Variants in EPHB4 observed in about 807,000 individuals in gnomAD.
EPHB4 encodes the protein ephrin type-B receptor 4.
In EPHB4, 50 loss-of-function variants were observed where a neutral mutation model predicts 110.6. The ratio of observed to expected loss-of-function variants is 0.45; its 90% CI spans 0.36 to 0.57. The LOEUF (loss-of-function observed/expected upper bound fraction) is 0.57, where lower values mean the gene tolerates loss of function less well. Among genes scored for constraint, EPHB4 ranks in the 20% least tolerant of loss-of-function variants. EPHB4 has a pLI of 0.00. For missense variants in EPHB4, 1,128 were observed against 1,382.1 expected (o/e 0.82, Z 2.91); for synonymous variants, 592 against 578.4 (o/e 1.02, Z -0.34).
Position 100,803,492 on chromosome 7 carries a change from C to T in EPHB4, c.2933G>A (p.Gly978Asp), listed in dbSNP as rs1306261996. 1.3e-6 allele frequency: 2 copies of T among 1,583,160 alleles called. No individual in the cohort carries two copies. The highest frequency in any genetic ancestry group is 1.3e-5 in the African/African-American group (1 of 74,646). ...CTGCGGGGCCGGTCCTCCTGTCCCA[C>T]CCGGGGTTCCCGGCTTGGCCTGGGA... Reference protein sequence around the residue: ...MKSQAKPGTPGGTGGPAPQY With the variant: ...MKSQAKPGTPDGTGGPAPQY The change falls in exon 17 of 17, where the codon GGT (glycine) becomes GAT (aspartate). Residue 978 changes from glycine (G) to aspartate (D), a missense_variant. By Grantham distance (94) the Gly-to-Asp change is moderately conservative (BLOSUM62 -1). Coordinates refer to ENST00000358173, the MANE Select transcript of EPHB4 (RefSeq NM_004444.5).
chr7:100,824,410 C>G, intron 1 of EPHB4, 137 bp from the exon 2 acceptor site: 1 of 863,942 alleles, frequency 1.2e-6, no homozygotes, highest in Non-Finnish European at 1.8e-6. Flanking sequence ...GGGGAGCAAG[C>G]CCTGCCCTCT....
rs780811289 is a variant in EPHB4 at position 100,820,189 on chromosome 7, C to G, written c.916G>C (p.Val306Leu). The G allele has an allele frequency of 1.2e-6, 2 of 1,614,068 alleles. No individual in the cohort carries two copies. Among genetic ancestry groups the G allele is most frequent in the African/African-American group, 2.7e-5 (2 of 75,050 alleles). ...TIGSAVCQCR[V>L]GYFRARTDPR... ...TCTGTGCGTGCCCGGAAGTACCCGA[C>G]GCGGCACTGGCAGACGGCTGATCCA... Residue 306 changes from valine (V) to leucine (L), a missense_variant, in exon 5 of 17, where the codon GTC (valine) becomes CTC (leucine). Val to Leu is a conservative substitution (Grantham distance 32). Transcript: ENST00000358173.
rs536968407 is a variant in EPHB4 at position 100,815,009 on chromosome 7, CGT to C, written c.1589-990_1589-989del. 1.1e-3 allele frequency among the ~76,000 whole-genome samples: 163 copies of C among 150,612 alleles called. 1 individual carries two copies. Among genetic ancestry groups the C allele is most frequent in the African/African-American group, 3.2e-3 (132 of 40,986 alleles). ...TCCAGCCTGGGTGACAAAGCAAAAT[CGT>C]GTGTTCAAAACAAAAACAAAAAACA... On this transcript the variant is annotated intron_variant, in intron 8 of 16. Coordinates refer to ENST00000358173, the MANE Select transcript of EPHB4 (RefSeq NM_004444.5).
At chr7:100,824,696 C>G in intron 1 of EPHB4, 1 of 190,400 alleles carries the variant, frequency 5.3e-6, no homozygotes, top group Non-Finnish European at 1.1e-5. Context: ...ATCAGCCTCT[C>G]TACCCCACAA....
At chr7:100,813,825 G>A in intron 9 of EPHB4, 94 bp downstream of exon 9, 1 of 1,602,682 alleles carries the variant, frequency 6.2e-7, no homozygotes, top group Non-Finnish European at 8.5e-7. Flanking sequence ...GTAAAAAGAG[G>A]CTGGGGACAG....
rs371147602 is a variant in EPHB4, at chr7:100,803,416, G to C, written c.*45C>G. ...CCTCTGTGAGTCCCCACTCTGCCCC[G>C]GAAAATGGGGAGGCGGTGTCCCTGG... On this transcript the variant is annotated 3_prime_UTR_variant, in exon 17 of 17. Transcript: ENST00000358173. The C allele has an allele frequency of 6.7e-7, 1 of 1,482,226 alleles. No individual in the cohort carries two copies. Among genetic ancestry groups the C allele is most frequent in the African/African-American group, 1.4e-5 (1 of 72,974 alleles). The allele number at this position is 1,482,226 out of a possible 1,614,324, so 91.8% of individuals were successfully genotyped here.
At position 100,806,525 on chromosome 7, in the gene EPHB4, G is replaced by A. The variant is rs1812821175; in HGVS notation, c.2379C>T (p.Ala793=). 1 of 1,614,132 alleles carries A rather than the reference G, an allele frequency of 6.2e-7. No individual in the cohort carries two copies. Residue 793 remains alanine, a synonymous_variant, in exon 14 of 17, where the codon GCC becomes GCT. Coordinates refer to ENST00000358173, the MANE Select transcript of EPHB4 (RefSeq NM_004444.5). ...PIRWTAPEAI[A]FRKFTSASDA... ...CACTGGCGGAAGTGAACTTCCGGAA[G>A]GCAATGGCCTCCGGGGCAGTCCATC...
chr7:100,817,641 G>A (rs1813109904), intron 7 of EPHB4, among the ~76,000 whole-genome samples: 1 of 152,024 alleles, frequency 6.6e-6, no homozygotes, highest in African/African-American at 2.4e-5. Context: ...TGATTCTCCT[G>A]TCTCAGCCTC....
chr7:100,814,513 T>A (rs1043018802), intron 8 of EPHB4, among the ~76,000 whole-genome samples: 1 of 152,166 alleles, frequency 6.6e-6, no homozygotes. Flanking sequence ...AGCCTAGGCA[T>A]GCCCAGCCGC....
intron 12 of EPHB4, among the ~76,000 whole-genome samples, chr7:100,812,262 C>G (rs1181913331): frequency 6.6e-6 from 1 of 151,734 alleles, no homozygotes; most frequent in East Asian, 1.9e-4. Context: ...AAGGAAGGTC[C>G]CAGGAGCCCA....
intron 8 of EPHB4, among the ~76,000 whole-genome samples, chr7:100,816,065 G>T (rs991807731): frequency 2.0e-5 from 3 of 151,424 alleles, no homozygotes; most frequent in Admixed American, 6.6e-5. Flanking sequence ...GAGGCGGGTG[G>T]ATCAGGAGGT....
intron 1 of EPHB4, 68 bp from the exon 2 acceptor site, chr7:100,824,341 T>C: frequency 6.5e-7 from 1 of 1,549,522 alleles, no homozygotes; most frequent in East Asian, 2.2e-5. Context: ...ACCAGATCCC[T>C]GGGAACCGAG....
rs1813258030 is a variant in EPHB4, at chr7:100,822,417, C to G, written c.662G>C (p.Gly221Ala). The G allele has an allele frequency of 3.1e-6, 5 of 1,593,146 alleles. No individual in the cohort carries two copies. In the East Asian group the frequency reaches 9.0e-5, roughly 29 times the overall value. Residue 221 changes from glycine to alanine, a missense_variant, in exon 4 of 17, where the codon GGT becomes GCT. Transcript: ENST00000358173. The surrounding 1 kb of genome is among the most constrained non-coding windows in gnomAD (Gnocchi z 4.7). Reference protein sequence around the residue: ...VPRELVVPVAGSCVVDAVPAP... With the variant: ...VPRELVVPVAASCVVDAVPAP... ...GGGGACGGCATCCACCACGCAGCTA[C>G]CGGCCACGGGCACAACCAGCTCCCG...
At chr7:100,818,325 G>A (rs1194455672) in intron 7 of EPHB4, among the ~76,000 whole-genome samples, 195 bp downstream of exon 7, 1 of 152,190 alleles carries the variant, frequency 6.6e-6, no homozygotes, top group Non-Finnish European at 1.5e-5. Context: ...CCAGCTGCTG[G>A]TAACTATTAC....
In EPHB4 at chr7:100,819,569, T is replaced by C. The variant is rs1359112706; in HGVS notation, c.1285A>G (p.Thr429Ala). The change falls in exon 6 of 17, where the codon ACT becomes GCT. Residue 429 changes from threonine to alanine, a missense_variant. Coordinates refer to ENST00000358173, the MANE Select transcript of EPHB4 (RefSeq NM_004444.5). ...PVPFEPVNVTTDREVPPAVSD... is the reference protein window; with the variant it reads ...PVPFEPVNVTADREVPPAVSD... The stretch of plus-strand genomic sequence containing the variant: ...CCCCAAGTCTCACCCTCTCGGTCAG[T>C]GGTGACATTGACAGGCTCAAATGGG... The C allele has an allele frequency of 6.4e-7, 1 of 1,565,466 alleles. No individual in the cohort carries two copies. The highest frequency in any genetic ancestry group is 1.8e-5 in the Admixed American group (1 of 56,570).
In EPHB4 at chr7:100,803,341, C is replaced by A. The variant is rs1812738819; in HGVS notation, c.*120G>T. 3 of 1,249,846 alleles carry A rather than the reference C, an allele frequency of 2.4e-6. No individual in the cohort carries two copies. The South Asian group carries it at 7.0e-5, about 29-fold the overall frequency. 77.4% of individuals were successfully genotyped at this position (1,249,846 alleles called of 1,614,324 possible). A position where few individuals can be genotyped will look rare whatever the true frequency, so the allele number is the denominator to read the frequency against. On this transcript the variant is annotated 3_prime_UTR_variant, in exon 17 of 17. Coordinates refer to ENST00000358173, the MANE Select transcript of EPHB4 (RefSeq NM_004444.5). ...ATCCTGTCTCTCCAAATTGCCAACT[C>A]CTCACCCCACGGGCTCAAAGTGCAA... is the stretch of plus-strand genomic sequence containing the variant.
chr7:100,807,249 G>C, intron 13 of EPHB4, 116 bp downstream of exon 13: 1 of 1,058,078 alleles, frequency 9.5e-7, no homozygotes, highest in Non-Finnish European at 1.4e-6. Context: ...CCCACAGCCT[G>C]CTCCTGTATC....
rs563114834 is a variant in EPHB4, at chr7:100,813,672, C to T, written c.1736G>A (p.Gly579Glu). 2.5e-6 allele frequency: 4 copies of T among 1,614,006 alleles called. No homozygotes were observed. The highest frequency in any genetic ancestry group is 3.4e-6 in the Non-Finnish European group (4 of 1,180,046). Residue 579 changes from glycine to glutamate, a missense_variant, in exon 10 of 17, where the codon GGA (glycine) becomes GAA (glutamate). By Grantham distance (98) the Gly-to-Glu change is moderately conservative. Around this residue, in one of 3 missense-constraint regions of EPHB4, gnomAD observed 728 missense variants for 828.6 expected, o/e 0.88. Coordinates refer to ENST00000358173, the MANE Select transcript of EPHB4 (RefSeq NM_004444.5). Reference sequence around the variant, plus strand: ...CCCACCATGTCCGATGAGATACTGTCCGTGTTTGTCCGAATATTCTGCTTC... The same window carrying T: ...CCCACCATGTCCGATGAGATACTGTTCGTGTTTGTCCGAATATTCTGCTTC... Reference protein sequence around the residue: ...GREAEYSDKHGQYLIGHGTKV... With the variant: ...GREAEYSDKHEQYLIGHGTKV...
chr7:100,819,685 C>G lies in EPHB4; in HGVS notation c.1169G>C (p.Trp390Ser). The change falls in exon 6 of 17, where the codon TGG (tryptophan) becomes TCG (serine). Residue 390 changes from tryptophan to serine, a missense_variant. Transcript: ENST00000358173. ...AGGACGTAGCCCTCGAACCACCACC[C>G]AGGGCTCCACCAGGTCCCGGGGGCC... is the stretch of plus-strand genomic sequence containing the variant. ...DPGPRDLVEP[W>S]VVVRGLRPDF... is the part of the protein sequence containing the mutation. 1 of 1,613,778 alleles carries G rather than the reference C, an allele frequency of 6.2e-7. No individual in the cohort carries two copies. Among genetic ancestry groups the G allele is most frequent in the Non-Finnish European group, 8.5e-7 (1 of 1,179,976 alleles).
Sources: gnomAD v4.1 joint callset for allele counts (sites outside exome capture counted in the v4.1 genomes callset) on GRCh38, gnomAD v4.1.1 for gene constraint, gnomAD v4.1.1 regional missense constraint, Gnocchi (gnomAD v3.1) non-coding constraint, MANE v1.5 for transcripts, NCBI Gene and HGNC (gene_info 2026-07-23, HGNC 2026-07-21) for gene names.